KAT6A: variants seen among roughly 807,000 people sequenced by gnomAD.
KAT6A encodes the protein histone acetyltransferase KAT6A.
A neutral mutation model predicts 198.4 loss-of-function variants in KAT6A; 9 were observed. The observed-to-expected ratio is 0.05, with a 90% CI of 0.03 to 0.08. The LOEUF is 0.08. KAT6A is among the 10% of genes least tolerant of loss of function. The pLI, the probability that KAT6A is intolerant of heterozygous loss-of-function variation, is 1.00. For missense variants in KAT6A, 2,077 were observed against 2,509.9 expected (o/e 0.83, Z 3.69); for synonymous variants, 890 against 883.0 (o/e 1.01, Z -0.14).
chr8:42,009,894 CAAAAAAA>C (rs538642816), intron 2 of KAT6A, among the ~76,000 whole-genome samples: 1 of 49,064 alleles, frequency 2.0e-5, no homozygotes, highest in Non-Finnish European at 4.1e-5. Flanking sequence ...AGCCCTGTCT[CAAAAAAA>C]AAAAAAAAAA....
At chr8:41,978,108 G>A (rs1215050397) in intron 6 of KAT6A, among the ~76,000 whole-genome samples, 2 of 152,164 alleles carry the variant, frequency 1.3e-5, no homozygotes, top group Non-Finnish European at 2.9e-5. Flanking sequence ...TCTGCTAATA[G>A]ATGAAAACAT....
Position 41,932,172 on chromosome 8 carries a change from ATATTT to A in KAT6A, c.*28_*32del. ...GTATAAAAGGTTCCTTTATTTATAT[ATATTT>A]AAGTTTTTGATTGCAAGTTCATCTT... is the stretch of plus-strand genomic sequence containing the variant. On this transcript the variant is annotated 3_prime_UTR_variant, in exon 17 of 17. Transcript: ENST00000265713. The A allele has an allele frequency of 6.7e-7, 1 of 1,497,144 alleles. No homozygotes were observed. The highest frequency in any genetic ancestry group is 8.9e-7 in the Non-Finnish European group (1 of 1,123,336). The allele number at this position is 1,497,144 out of a possible 1,614,324, so 92.7% of individuals were successfully genotyped here. A position where few individuals can be genotyped will look rare whatever the true frequency, so the allele number is the denominator to read the frequency against.
At chr8:41,987,223 A>G (rs1004136542) in intron 3 of KAT6A, among the ~76,000 whole-genome samples, 4 of 152,236 alleles carry the variant, frequency 2.6e-5, no homozygotes, top group Admixed American at 1.3e-4. Flanking sequence ...ACTACACCAC[A>G]TAACCCAGAT....
chr8:41,980,964 T>G (rs781626031), intron 4 of KAT6A, 37 bp from the exon 5 acceptor site: 6 of 1,367,380 alleles, frequency 4.4e-6, no homozygotes, highest in Admixed American at 1.7e-5. Context: ...TGCTTAACCT[T>G]ATGAAGCAGA....
chr8:41,933,258 C>T lies in KAT6A; in HGVS notation c.4962G>A (p.Pro1654=), dbSNP rs1053179239. The change falls in exon 17 of 17, where the codon CCG becomes CCA. Residue 1654 remains proline, a synonymous_variant. Transcript: ENST00000265713. This position sits in a 1 kb window ranked among gnomAD's most constrained non-coding sequence, Gnocchi z 6.2. ...PSNQQQQPPP[P]PPQQPQPPPP... ...GCGGCGGCTGTGGCTGCTGTGGAGG[C>T]GGTGGTGGCGGCTGCTGCTGCTGGT... The T allele has an allele frequency of 5.2e-6, 8 of 1,546,594 alleles. No individual in the cohort carries two copies. Among genetic ancestry groups the T allele is most frequent in the African/African-American group, 1.4e-5 (1 of 73,824 alleles).
chr8:41,943,759 G>C lies in KAT6A; in HGVS notation c.2217C>G (p.Phe739Leu), dbSNP rs200263669. The C allele has an allele frequency of 1.6e-5, 26 of 1,610,630 alleles. No homozygotes were observed. The highest frequency in any genetic ancestry group is 6.6e-5 in the South Asian group (6 of 91,012). Reference sequence around the variant, plus strand: ...GATGTGATACTCACTGGTCACTACGGAAGTCCAGCATTCGTAGGTGGTGGA... The same window carrying C: ...GATGTGATACTCACTGGTCACTACGCAAGTCCAGCATTCGTAGGTGGTGGA... Reference protein sequence around the residue: ...STLHHLRMLDFRSDQFVIIRR... With the variant: ...STLHHLRMLDLRSDQFVIIRR... Residue 739 changes from phenylalanine (F) to leucine (L), a missense_variant, in exon 13 of 17, where the codon TTC (phenylalanine) becomes TTG (leucine). By Grantham distance (22) the Phe-to-Leu change is conservative (BLOSUM62 0). Transcript: ENST00000265713.
chr8:42,024,175 T>C (rs373307857), intron 2 of KAT6A, among the ~76,000 whole-genome samples: 1 of 152,212 alleles, frequency 6.6e-6, no homozygotes, highest in African/African-American at 2.4e-5. Flanking sequence ...GTATACATAA[T>C]AGTATGTGCT....
At chr8:41,943,254 T>C (rs967248926) in intron 13 of KAT6A, among the ~76,000 whole-genome samples, 2 of 152,202 alleles carry the variant, frequency 1.3e-5, no homozygotes, top group African/African-American at 4.8e-5. Context: ...GCTCCAGAAG[T>C]TCTGCTGCTC....
At position 41,951,170 on chromosome 8, in the gene KAT6A, TA is replaced by T. The variant is rs879644178; in HGVS notation, c.1599-1808del. Among the ~76,000 whole-genome samples, 161 of 138,256 alleles carry T rather than the reference TA, an allele frequency of 1.2e-3. 1 individual carries two copies. The highest frequency in any genetic ancestry group is 3.7e-3 in the Middle Eastern group (1 of 272). The allele number at this position is 138,256 out of a possible 152,430, so 90.7% of individuals were successfully genotyped here. ...AGATGTATGGCATTTTATTGATGAT[TA>T]AAAAAAAAAAAACAAAACTTTAGTG... On this transcript the variant is annotated intron_variant, in intron 9 of 16. Coordinates refer to ENST00000265713, the MANE Select transcript of KAT6A (RefSeq NM_006766.5).
In KAT6A at chr8:41,976,047, G is replaced by T. The variant is rs73675193; in HGVS notation, c.1363+961C>A. ...AGAGTAATTAGTTGATCATCACTAT[G>T]GTAAAAGACCAATCAATAAAGCATA... On this transcript the variant is annotated intron_variant, in intron 7 of 16. Transcript: ENST00000265713. 7.1e-3 allele frequency among the ~76,000 whole-genome samples: 1,084 copies of T among 152,224 alleles called. 6 individuals carry two copies. Among genetic ancestry groups the T allele is most frequent in the African/African-American group, 0.024 (995 of 41,538 alleles).
chr8:42,021,282 A>G (rs1255542937), intron 2 of KAT6A, among the ~76,000 whole-genome samples: 3 of 152,138 alleles, frequency 2.0e-5, no homozygotes, highest in African/African-American at 7.2e-5. Context: ...TGTGATGGCA[A>G]TATTTTGTGA....
At chr8:41,940,554 C>T (rs1420939679) in intron 15 of KAT6A, among the ~76,000 whole-genome samples, 5 of 152,088 alleles carry the variant, frequency 3.3e-5, no homozygotes, top group Non-Finnish European at 1.5e-5. Flanking sequence ...ATTTGAACAT[C>T]AAACCAGTAA....
At chr8:42,001,473 G>A (rs1469939914) in intron 2 of KAT6A, among the ~76,000 whole-genome samples, 2 of 152,006 alleles carry the variant, frequency 1.3e-5, no homozygotes, top group Non-Finnish European at 2.9e-5. Context: ...CATGGTCAAG[G>A]GACTTTTCAA....
chr8:42,003,309 T>G (rs547387632), intron 2 of KAT6A, among the ~76,000 whole-genome samples: 93 of 152,146 alleles, frequency 6.1e-4, no homozygotes, highest in Non-Finnish European at 4.7e-4. Context: ...AAGACATCTT[T>G]TTGAGAGATC....
intron 16 of KAT6A, among the ~76,000 whole-genome samples, 161 bp from the exon 17 acceptor site, chr8:41,935,028 A>G (rs896141485): frequency 6.6e-6 from 1 of 152,236 alleles, no homozygotes; most frequent in Non-Finnish European, 1.5e-5. Context: ...AGAGGATAAA[A>G]CTAATTAGTG....
intron 2 of KAT6A, among the ~76,000 whole-genome samples, chr8:42,043,251 A>G (rs1354575345): frequency 6.6e-6 from 1 of 152,230 alleles, no homozygotes; most frequent in Non-Finnish European, 1.5e-5. Flanking sequence ...TTACAGTAAT[A>G]TCTATATTTC....
In KAT6A at chr8:41,932,490, A is replaced by C; in HGVS notation, c.5730T>G (p.Asn1910Lys). ...GVNLMPTPAYNVNSMNMNTLN... is the reference protein window; with the variant it reads ...GVNLMPTPAYKVNSMNMNTLN... The stretch of plus-strand genomic sequence containing the variant: ...AGGTGTTCATATTCATGGAATTGAC[A>C]TTATAGGCGGGAGTAGGCATCAGAT... The change falls in exon 17 of 17, where the codon AAT becomes AAG. Residue 1910 changes from asparagine to lysine, a missense_variant. Coordinates refer to ENST00000265713, the MANE Select transcript of KAT6A (RefSeq NM_006766.5). 1.2e-6 allele frequency: 2 copies of C among 1,614,254 alleles called. No homozygotes were observed. Among genetic ancestry groups the C allele is most frequent in the Non-Finnish European group, 1.7e-6 (2 of 1,180,038 alleles).
At chr8:41,981,988 A>G in intron 3 of KAT6A, 34 bp from the exon 4 acceptor site, 1 of 1,247,544 alleles carries the variant, frequency 8.0e-7, no homozygotes, top group South Asian at 1.2e-5. Context: ...GAATGAAACA[A>G]TCAAGAACTA....
At chr8:41,964,020 G>T (rs1402223518) in intron 8 of KAT6A, among the ~76,000 whole-genome samples, 2 of 152,038 alleles carry the variant, frequency 1.3e-5, no homozygotes, top group African/African-American at 4.8e-5. Flanking sequence ...TAAAATTTTA[G>T]TTAACCACAA....
Sources: gnomAD v4.1 joint callset for allele counts (sites outside exome capture counted in the v4.1 genomes callset) on GRCh38, gnomAD v4.1.1 for gene constraint, Gnocchi (gnomAD v3.1) non-coding constraint, MANE v1.5 for transcripts, NCBI Gene and HGNC (gene_info 2026-07-23, HGNC 2026-07-21) for gene names.